TBXAS1: variants seen among roughly 807,000 people sequenced by gnomAD.
TBXAS1 encodes thromboxane A synthase 1, also known as thromboxane-A synthase.
In TBXAS1, 48 loss-of-function variants were observed where a neutral mutation model predicts 60.7. The ratio of observed to expected loss-of-function variants is 0.79; its 90% CI spans 0.63 to 1.01. The LOEUF (loss-of-function observed/expected upper bound fraction) is 1.01, where lower values mean the gene tolerates loss of function less well. TBXAS1 is among the 50% of genes least tolerant of loss of function. The probability of loss-of-function intolerance (pLI) is 0.00; values close to 1 mark genes in which losing one functional copy is unlikely to be tolerated. For missense variants in TBXAS1, 685 were observed against 686.3 expected (o/e 1.00, Z 0.02); for synonymous variants, 287 against 269.7 (o/e 1.06, Z -0.63).
chr7:140,010,408 C>T (rs929958325), intron 10 of TBXAS1, among the ~76,000 whole-genome samples: 5 of 152,236 alleles, frequency 3.3e-5, no homozygotes, highest in Non-Finnish European at 7.3e-5. Flanking sequence ...CTGAGCGCCA[C>T]TGAGGTGACT....
chr7:139,911,110 A>C, intron 3 of TBXAS1, 115 bp from the exon 4 acceptor site: 1 of 882,824 alleles, frequency 1.1e-6, no homozygotes, highest in Admixed American at 1.8e-5. Flanking sequence ...CATCGTCTCC[A>C]TACCTTTACT....
intron 3 of TBXAS1, among the ~76,000 whole-genome samples, chr7:139,889,219 A>G (rs945425828): frequency 6.6e-6 from 1 of 152,056 alleles, no homozygotes; most frequent in Non-Finnish European, 1.5e-5. Flanking sequence ...CTGTTGTCCC[A>G]AGTACTTTGG....
At chr7:139,955,352 C>G in intron 6 of TBXAS1, 107 bp from the exon 7 acceptor site, 1 of 1,450,688 alleles carries the variant, frequency 6.9e-7, no homozygotes, top group Non-Finnish European at 9.6e-7. Context: ...ATCTGCAGGG[C>G]TGGGCAAGCC....
At chr7:139,892,341 C>T (rs1803683317) in intron 3 of TBXAS1, among the ~76,000 whole-genome samples, 1 of 152,120 alleles carries the variant, frequency 6.6e-6, no homozygotes, top group Non-Finnish European at 1.5e-5. Context: ...CGCTGTAATC[C>T]CAGCACTTTG....
intron 4 of TBXAS1, 39 bp downstream of exon 4, chr7:139,911,360 T>C: frequency 6.5e-7 from 1 of 1,542,590 alleles, no homozygotes; most frequent in Non-Finnish European, 9.0e-7. Context: ...GGATGGGGAA[T>C]TGTTCTCAGA....
At chr7:139,991,651 A>G (rs970675808) in intron 9 of TBXAS1, among the ~76,000 whole-genome samples, 3 of 152,258 alleles carry the variant, frequency 2.0e-5, no homozygotes, top group African/African-American at 7.2e-5. Flanking sequence ...AAGCATAAAG[A>G]CATAGAAACA....
intron 9 of TBXAS1, among the ~76,000 whole-genome samples, chr7:139,966,270 C>T (rs1379646038): frequency 1.3e-5 from 2 of 152,210 alleles, no homozygotes; most frequent in Non-Finnish European, 2.9e-5. Context: ...CCATGGGAAT[C>T]TGATGAGAGC....
chr7:139,858,672 T>C (rs1334752176), intron 1 of TBXAS1, among the ~76,000 whole-genome samples: 3 of 152,128 alleles, frequency 2.0e-5, no homozygotes, highest in African/African-American at 4.8e-5. Context: ...TCTCTGGCCA[T>C]GGTTTTGAAC....
chr7:139,838,857 A>G (rs1799238458), intron 1 of TBXAS1, among the ~76,000 whole-genome samples: 1 of 152,066 alleles, frequency 6.6e-6, no homozygotes, highest in African/African-American at 2.4e-5. Flanking sequence ...CTGGGGATAG[A>G]GACTGTATTA....
chr7:140,016,129 C>T (rs527394676), intron 11 of TBXAS1, among the ~76,000 whole-genome samples: 11 of 152,148 alleles, frequency 7.2e-5, no homozygotes, highest in Admixed American at 3.3e-4. Flanking sequence ...GAGATCGAGA[C>T]CATCCTGGCT....
intron 4 of TBXAS1, among the ~76,000 whole-genome samples, chr7:139,813,271 T>G (rs572085175): frequency 6.6e-6 from 1 of 152,070 alleles, no homozygotes; most frequent in Non-Finnish European, 1.5e-5. Context: ...TCAGAGACCT[T>G]CCAGTACTGG....
chr7:139,913,547 G>A (rs1805712005), intron 4 of TBXAS1: 1 of 188,442 alleles, frequency 5.3e-6, no homozygotes, highest in African/African-American at 2.3e-5. Context: ...ACCTAGAAGA[G>A]GTCAATGATT....
intron 3 of TBXAS1, among the ~76,000 whole-genome samples, chr7:139,902,458 T>C (rs1036157454): frequency 3.3e-5 from 5 of 152,178 alleles, no homozygotes; most frequent in Non-Finnish European, 7.3e-5. Context: ...CTTTTTTAAA[T>C]TGCTGCATAG....
At chr7:139,786,717 G>A (rs1472697053) in intron 3 of TBXAS1, among the ~76,000 whole-genome samples, 1 of 152,184 alleles carries the variant, frequency 6.6e-6, no homozygotes, top group Non-Finnish European at 1.5e-5. Context: ...ATTGGTTTAA[G>A]TCAGTTGCAG....
chr7:139,813,517 A>G (rs932658193), intron 4 of TBXAS1, among the ~76,000 whole-genome samples: 2 of 152,198 alleles, frequency 1.3e-5, no homozygotes, highest in Non-Finnish European at 2.9e-5. Context: ...GGTTTGTCCA[A>G]AGGTTTGGTT....
chr7:139,904,205 C>A (rs1303085050), intron 3 of TBXAS1, among the ~76,000 whole-genome samples: 3 of 151,868 alleles, frequency 2.0e-5, no homozygotes, highest in Non-Finnish European at 4.4e-5. Flanking sequence ...GAAAGGGTGT[C>A]CTTTCCCTAC....
chr7:139,972,818 G>T (rs10260531), intron 9 of TBXAS1, among the ~76,000 whole-genome samples: 10,577 of 152,154 alleles, frequency 0.07, 550 homozygotes, highest in African/African-American at 0.14. Flanking sequence ...AGCCTCGTCC[G>T]CTGGGTACCT....
chr7:139,957,490 C>T (rs1429852587), intron 7 of TBXAS1, 144 bp from the exon 8 acceptor site: 33 of 1,033,260 alleles, frequency 3.2e-5, no homozygotes, highest in Non-Finnish European at 4.5e-5. Flanking sequence ...CCCCTGCTCT[C>T]AGAAGCAGCA....
upstream of TBXAS1, among the ~76,000 whole-genome samples, chr7:139,828,456 T>C (rs1041198694): frequency 6.6e-6 from 1 of 152,090 alleles, no homozygotes; most frequent in Non-Finnish European, 1.5e-5. Flanking sequence ...GTATTTGGAG[T>C]GTCTTCTGGG....
Sources: allele counts gnomAD v4.1 joint callset (sites outside exome capture counted in the v4.1 genomes callset), GRCh38; gene constraint gnomAD v4.1.1; transcripts MANE v1.5; gene names NCBI Gene and HGNC (gene_info 2026-07-23, HGNC 2026-07-21).